SNX4: variants seen among roughly 807,000 people sequenced by gnomAD.
SNX4 encodes the protein sorting nexin 4.
In SNX4, 49 loss-of-function variants were observed where a neutral mutation model predicts 70.8. The observed-to-expected ratio is 0.69, with a 90% CI of 0.55 to 0.88. The LOEUF (loss-of-function observed/expected upper bound fraction) is 0.88, where lower values mean the gene tolerates loss of function less well. Among genes scored for constraint, SNX4 ranks in the 40% least tolerant of loss-of-function variants. The pLI, the probability that SNX4 is intolerant of heterozygous loss-of-function variation, is 0.00. For synonymous variants in SNX4, 206 were observed against 183.8 expected, an observed-to-expected ratio of 1.12 and a Z score of -0.98; for missense variants, 528 against 544.8, an observed-to-expected ratio of 0.97 and a Z score of 0.31.
At chr3:125,450,558 T>C (rs569561804) in intron 13 of SNX4, among the ~76,000 whole-genome samples, 48 of 152,338 alleles carry the variant, frequency 3.2e-4, no homozygotes, top group African/African-American at 1.1e-3. Context: ...TGACAGGTGA[T>C]ACAAATCAAA....
chr3:125,494,059 T>C (rs1934726862), intron 5 of SNX4, among the ~76,000 whole-genome samples: 1 of 151,260 alleles, frequency 6.6e-6, no homozygotes, highest in Admixed American at 6.6e-5. Context: ...AAGAAAATAT[T>C]AATCTAGTAC....
intron 6 of SNX4, among the ~76,000 whole-genome samples, chr3:125,484,073 A>G (rs940592433): frequency 1.3e-5 from 2 of 152,196 alleles, no homozygotes; most frequent in Admixed American, 1.3e-4. Flanking sequence ...CTGAAATACT[A>G]TCTATCTAAA....
chr3:125,478,664 C>G (rs898141698), intron 7 of SNX4, among the ~76,000 whole-genome samples: 3 of 151,828 alleles, frequency 2.0e-5, no homozygotes, highest in African/African-American at 7.3e-5. Context: ...GATACCAAAC[C>G]TCCTTCCTAA....
At chr3:125,449,487 C>G (rs188782293) in intron 13 of SNX4, among the ~76,000 whole-genome samples, 4 of 151,974 alleles carry the variant, frequency 2.6e-5, no homozygotes, top group African/African-American at 9.6e-5. Context: ...TCTTGAACTC[C>G]TGGGATCAAG....
In SNX4 at chr3:125,470,550, TGAA is replaced by T. The variant is rs560026024; in HGVS notation, c.789-1034_789-1032del. ...ACAATTTCAGAGACTTCAGACAACC[TGAA>T]GTCCACCCTCACCTCTTGGATCTAG... On this transcript the variant is annotated intron_variant, in intron 8 of 13. Coordinates refer to ENST00000251775, the MANE Select transcript of SNX4 (RefSeq NM_003794.4). Among the ~76,000 whole-genome samples the T allele has an allele frequency of 6.7e-5, 10 of 149,608 alleles. No individual in the cohort carries two copies. The South Asian group carries it at 2.1e-3, about 31-fold the overall frequency.
chr3:125,489,999 C>T (rs955098326), intron 5 of SNX4, among the ~76,000 whole-genome samples: 8 of 152,148 alleles, frequency 5.3e-5, no homozygotes, highest in Non-Finnish European at 8.8e-5. Context: ...TGTGATGGCG[C>T]GTGCCTGTAA....
chr3:125,479,765 T>C (rs1381960551), intron 7 of SNX4, among the ~76,000 whole-genome samples: 10 of 152,198 alleles, frequency 6.6e-5, no homozygotes, highest in Admixed American at 6.5e-4. Flanking sequence ...CCTCTTTGCC[T>C]ATTACAGCTG....
intron 8 of SNX4, among the ~76,000 whole-genome samples, chr3:125,473,140 G>T (rs912916837): frequency 6.6e-6 from 1 of 152,106 alleles, no homozygotes; most frequent in Admixed American, 6.6e-5. Context: ...CCCACACAGT[G>T]AGCACAGCGC....
intron 1 of SNX4, chr3:125,516,974 A>G (rs960644542): frequency 2.0e-4 from 30 of 149,594 alleles, no homozygotes; most frequent in African/African-American, 6.5e-4. Flanking sequence ...CAAAATTACA[A>G]CTTAGGCTGG....
At chr3:125,508,267 T>C (rs182324400) in intron 1 of SNX4, among the ~76,000 whole-genome samples, 15 of 152,120 alleles carry the variant, frequency 9.9e-5, no homozygotes, top group African/African-American at 3.1e-4. Flanking sequence ...GCCAAAGCAA[T>C]CTTGAAAATG....
chr3:125,497,901 A>G lies in SNX4; in HGVS notation c.482T>C (p.Phe161Ser). 6.2e-7 allele frequency: 1 copy of G among 1,614,186 alleles called. No homozygotes were observed. The highest frequency in any genetic ancestry group is 8.5e-7 in the Non-Finnish European group (1 of 1,180,008). The change falls in exon 4 of 14, where the codon TTT (phenylalanine) becomes TCT (serine). Residue 161 changes from phenylalanine (F) to serine (S), a missense_variant. Physicochemically the swap from Phe to Ser is radical, Grantham distance 155. Around this residue, in one of 3 missense-constraint regions of SNX4, gnomAD observed 341 missense variants for 312.2 expected, o/e 1.09. Transcript: ENST00000251775. ...VERRRIGLEN[F>S]LLRIASHPIL... Reference sequence around the variant, plus strand: ...GGGATGTGAAGCAATCCTCAAGAGAAAGTTTTCTAAACCAATCCGTCGCCT... The same window carrying G: ...GGGATGTGAAGCAATCCTCAAGAGAGAGTTTTCTAAACCAATCCGTCGCCT...
intron 2 of SNX4, 44 bp from the exon 3 acceptor site, chr3:125,498,238 A>G: frequency 6.6e-7 from 1 of 1,524,506 alleles, no homozygotes; most frequent in Non-Finnish European, 9.0e-7. Context: ...TATAAACAAA[A>G]ATACATACAC....
At position 125,520,144 on chromosome 3, in the gene SNX4, C is replaced by T; in HGVS notation, c.29G>A (p.Arg10Gln). The change falls in exon 1 of 14, where the codon CGG becomes CAG. Residue 10 changes from arginine (R) to glutamine (Q), a missense_variant. Physicochemically the swap from Arg to Gln is conservative, Grantham distance 43. Around this residue, in one of 3 missense-constraint regions of SNX4, gnomAD observed 341 missense variants for 312.2 expected, o/e 1.09. Transcript: ENST00000251775. MEQAPPDPE[R>Q]QLQPAPLEPL... is the part of the protein sequence containing the mutation. Reference sequence around the variant, plus strand: ...CTCCAAGGGCGCCGGCTGGAGCTGCCGCTCGGGGTCCGGAGGTGCCTGCTC... The same window carrying T: ...CTCCAAGGGCGCCGGCTGGAGCTGCTGCTCGGGGTCCGGAGGTGCCTGCTC... 7.0e-7 allele frequency: 1 copy of T among 1,433,416 alleles called. No individual in the cohort carries two copies. The highest frequency in any genetic ancestry group is 9.1e-7 in the Non-Finnish European group (1 of 1,098,468). The allele number at this position is 1,433,416 out of a possible 1,614,324, so 88.8% of individuals were successfully genotyped here.
At chr3:125,494,302 A>C (rs572991173) in intron 5 of SNX4, among the ~76,000 whole-genome samples, 1 of 152,230 alleles carries the variant, frequency 6.6e-6, no homozygotes, top group South Asian at 2.1e-4. Context: ...GTAATATGGG[A>C]TGGTAATTAA....
chr3:125,447,426 T>C lies in SNX4; in HGVS notation c.*353A>G, dbSNP rs147069452. On this transcript the variant is annotated 3_prime_UTR_variant, in exon 14 of 14. Coordinates refer to ENST00000251775, the MANE Select transcript of SNX4 (RefSeq NM_003794.4). ...AATTCAATCTTAGGGAAAAATTCCC[T>C]ACATTAATAGATCTGAAACAGCTGG... 3.5e-5 allele frequency: 6 copies of C among 172,918 alleles called. No homozygotes were observed. In the South Asian group the frequency reaches 5.2e-4, roughly 15 times the overall value. 10.7% of individuals were successfully genotyped at this position (172,918 alleles called of 1,614,324 possible).
chr3:125,457,648 G>A (rs1416703016), intron 10 of SNX4, among the ~76,000 whole-genome samples: 1 of 149,496 alleles, frequency 6.7e-6, no homozygotes, highest in Non-Finnish European at 1.5e-5. Flanking sequence ...CGCGATCTCG[G>A]CTCACTGCAA....
chr3:125,493,686 A>G (rs1270829189), intron 5 of SNX4, among the ~76,000 whole-genome samples: 1 of 151,404 alleles, frequency 6.6e-6, no homozygotes, highest in Non-Finnish European at 1.5e-5. Flanking sequence ...AAAAGAAACT[A>G]AATTTTATGA....
intron 7 of SNX4, among the ~76,000 whole-genome samples, chr3:125,477,751 G>T (rs1004848494): frequency 6.6e-6 from 1 of 152,180 alleles, no homozygotes; most frequent in Non-Finnish European, 1.5e-5. Flanking sequence ...CTGCTCTGAG[G>T]AAACACGTAC....
At chr3:125,484,725 C>T (rs997183757) in intron 6 of SNX4, among the ~76,000 whole-genome samples, 2 of 152,036 alleles carry the variant, frequency 1.3e-5, no homozygotes, top group Non-Finnish European at 2.9e-5. Context: ...GGTGCAGTGG[C>T]TCACATATGT....
Sources: gnomAD v4.1 joint callset for allele counts (sites outside exome capture counted in the v4.1 genomes callset) on GRCh38, gnomAD v4.1.1 for gene constraint, gnomAD v4.1.1 regional missense constraint, MANE v1.5 for transcripts, NCBI Gene and HGNC (gene_info 2026-07-23, HGNC 2026-07-21) for gene names.